TMEM178B: variants seen among roughly 807,000 people sequenced by gnomAD.
TMEM178B encodes the protein transmembrane protein 178B.
In TMEM178B, 5 loss-of-function variants were observed where a neutral mutation model predicts 31.0. The ratio of observed to expected loss-of-function variants is 0.16; its 90% CI spans 0.08 to 0.34. The LOEUF (loss-of-function observed/expected upper bound fraction) is 0.34. Among genes scored for constraint, TMEM178B ranks in the 10% least tolerant of loss-of-function variants. The probability of loss-of-function intolerance (pLI) is 1.00; values close to 1 mark genes in which losing one functional copy is unlikely to be tolerated. For missense variants in TMEM178B, 275 were observed against 400.3 expected (o/e 0.69, Z 2.67); for synonymous variants, 164 against 164.0 (o/e 1.00, Z 0.00).
intron 2 of TMEM178B, among the ~76,000 whole-genome samples, chr7:141,257,852 A>T (rs561023357): frequency 2.4e-3 from 370 of 151,824 alleles, no homozygotes; most frequent in Non-Finnish European, 4.6e-3. Flanking sequence ...ATATGGTTGG[A>T]TTTCCATTGG....
intron 2 of TMEM178B, among the ~76,000 whole-genome samples, chr7:141,320,755 G>A (rs1799083904): frequency 6.6e-6 from 1 of 152,170 alleles, no homozygotes; most frequent in Admixed American, 6.5e-5. Flanking sequence ...GGTATTATCT[G>A]TAAAATGTCC....
chr7:141,252,639 G>A (rs1382294572), intron 2 of TMEM178B, among the ~76,000 whole-genome samples: 1 of 152,172 alleles, frequency 6.6e-6, no homozygotes, highest in Non-Finnish European at 1.5e-5. Context: ...TGTGATACCT[G>A]TAGTAGCTGA....
intron 2 of TMEM178B, among the ~76,000 whole-genome samples, chr7:141,272,869 G>A (rs565616026): frequency 1.3e-5 from 2 of 152,206 alleles, no homozygotes; most frequent in Admixed American, 6.5e-5. Flanking sequence ...CATCTTCTGG[G>A]TGTGTATCTA....
intron 1 of TMEM178B, among the ~76,000 whole-genome samples, chr7:141,163,082 G>A (rs1204115702): frequency 6.6e-6 from 1 of 152,232 alleles, no homozygotes; most frequent in Non-Finnish European, 1.5e-5. Flanking sequence ...TCTTCAGGGT[G>A]CAATAGATCT....
chr7:141,492,491 AC>A, the TMEM178B span, among the ~76,000 whole-genome samples: 1 of 152,324 alleles, frequency 6.6e-6, no homozygotes, highest in African/African-American at 2.4e-5. Flanking sequence ...TGAGCCTAGC[AC>A]AATGCCTGGC....
At chr7:141,144,721 G>A (rs1298022477) in intron 1 of TMEM178B, among the ~76,000 whole-genome samples, 10 of 152,108 alleles carry the variant, frequency 6.6e-5, no homozygotes, top group Non-Finnish European at 1.5e-4. Context: ...GGTAAGCTGG[G>A]CTCAGAGATT....
chr7:141,328,804 G>A (rs1224166189), intron 2 of TMEM178B, among the ~76,000 whole-genome samples: 1 of 152,184 alleles, frequency 6.6e-6, no homozygotes, highest in Non-Finnish European at 1.5e-5. Context: ...TCTTAGGCTT[G>A]TTGACTTGCA....
chr7:141,099,129 C>T (rs1355345966), intron 1 of TMEM178B, among the ~76,000 whole-genome samples: 1 of 152,192 alleles, frequency 6.6e-6, no homozygotes, highest in Non-Finnish European at 1.5e-5. Flanking sequence ...CAGCCTCCTC[C>T]TTCAGAATAT....
At chr7:141,485,725 G>C in the TMEM178B span, among the ~76,000 whole-genome samples, 1 of 152,154 alleles carries the variant, frequency 6.6e-6, no homozygotes, top group East Asian at 1.9e-4. Context: ...GAGTTAGTGG[G>C]GAAGGCCTTT....
At chr7:141,247,951 C>T (rs1797764538) in intron 2 of TMEM178B, among the ~76,000 whole-genome samples, 1 of 152,222 alleles carries the variant, frequency 6.6e-6, no homozygotes, top group South Asian at 2.1e-4. Context: ...GTGTCTGGCA[C>T]CCCTCCAGGC....
chr7:141,497,865 C>T, the TMEM178B span, among the ~76,000 whole-genome samples: 23 of 152,302 alleles, frequency 1.5e-4, no homozygotes, highest in African/African-American at 4.8e-4. Context: ...TAAAGGCTGA[C>T]GGAGCAACTA....
At chr7:141,127,299 G>C (rs1156418742) in intron 1 of TMEM178B, among the ~76,000 whole-genome samples, 1 of 152,170 alleles carries the variant, frequency 6.6e-6, no homozygotes, top group Non-Finnish European at 1.5e-5. Flanking sequence ...CACATTTATA[G>C]TGGGCTGAAT....
chr7:141,264,579 G>A (rs1364262057), intron 2 of TMEM178B, among the ~76,000 whole-genome samples: 1 of 152,342 alleles, frequency 6.6e-6, no homozygotes, highest in Middle Eastern at 3.4e-3. Flanking sequence ...TATGAATAGA[G>A]TGGGAGACAT....
intron 2 of TMEM178B, among the ~76,000 whole-genome samples, chr7:141,354,845 A>G (rs1799791844): frequency 6.6e-6 from 1 of 151,778 alleles, no homozygotes; most frequent in South Asian, 2.1e-4. Context: ...CTTTCCTTTC[A>G]TCTCCTCAGG....
rs1057273013 is a variant in TMEM178B at position 141,171,837 on chromosome 7, T to C, written c.383-40754T>C. ...GCATTTATCAGGCTCTCAATACACA[T>C]TTGTGAATGAATGAATGAATGAATG... On this transcript the variant is annotated intron_variant, in intron 1 of 3. Coordinates refer to ENST00000565468, the MANE Select transcript of TMEM178B (RefSeq NM_001195278.2). This position sits in a 1 kb window ranked among gnomAD's most constrained non-coding sequence, Gnocchi z 4.3. 6.5e-5 allele frequency among the ~76,000 whole-genome samples: 6 copies of C among 92,032 alleles called. No homozygotes were observed. The highest frequency in any genetic ancestry group is 2.3e-4 in the African/African-American group (6 of 26,356). The allele number at this position is 92,032 out of a possible 152,430, so 60.4% of individuals were successfully genotyped here. A position where few individuals can be genotyped will look rare whatever the true frequency, so the allele number is the denominator to read the frequency against.
chr7:141,236,634 A>G (rs1797531312), intron 2 of TMEM178B, among the ~76,000 whole-genome samples: 1 of 152,228 alleles, frequency 6.6e-6, no homozygotes, highest in Non-Finnish European at 1.5e-5. Context: ...GTGGGAGAAA[A>G]TAACCTGTGG....
At chr7:141,395,560 T>G (rs1405646904) in intron 2 of TMEM178B, among the ~76,000 whole-genome samples, 1 of 152,196 alleles carries the variant, frequency 6.6e-6, no homozygotes, top group African/African-American at 2.4e-5. Flanking sequence ...TTGGTTACTC[T>G]CTTCTTAGGA....
intron 2 of TMEM178B, among the ~76,000 whole-genome samples, chr7:141,360,937 C>T (rs1799908484): frequency 6.6e-6 from 1 of 152,064 alleles, no homozygotes; most frequent in African/African-American, 2.4e-5. Flanking sequence ...TTCTTGGGAG[C>T]TGTAAGACCA....
chr7:141,466,897 G>A (rs1337143450), intron 3 of TMEM178B, among the ~76,000 whole-genome samples: 2 of 152,092 alleles, frequency 1.3e-5, no homozygotes, highest in Admixed American at 1.3e-4. Flanking sequence ...GGTGAGGCAC[G>A]AGCAGGCTGG....
Sources: gnomAD v4.1 joint callset for allele counts (sites outside exome capture counted in the v4.1 genomes callset) on GRCh38, gnomAD v4.1.1 for gene constraint, Gnocchi (gnomAD v3.1) non-coding constraint, MANE v1.5 for transcripts, NCBI Gene and HGNC (gene_info 2026-07-23, HGNC 2026-07-21) for gene names.